The following GPHN variants were observed in gnomAD, a reference collection of about 807,000 sequenced individuals.
The protein encoded by GPHN is gephyrin.
GPHN carries 17 observed loss-of-function variants against 95.5 expected under a neutral mutation model. That is an observed-to-expected ratio of 0.18 (90% CI 0.12 to 0.27). The LOEUF (loss-of-function observed/expected upper bound fraction) is 0.27, where lower values mean the gene tolerates loss of function less well. Ranked by LOEUF, GPHN falls within the 10% of genes least tolerant of loss-of-function variation. The probability of loss-of-function intolerance (pLI) is 1.00; values close to 1 mark genes in which losing one functional copy is unlikely to be tolerated. For missense variants in GPHN, 660 were observed against 978.1 expected (o/e 0.67, Z 4.34); for synonymous variants, 320 against 322.5 (o/e 0.99, Z 0.08).
At chr14:66,910,399 A>G (rs1469025889) in intron 5 of GPHN, among the ~76,000 whole-genome samples, 1 of 151,918 alleles carries the variant, frequency 6.6e-6, no homozygotes. Flanking sequence ...AAAGAAAAAC[A>G]CTGACAACAT....
At chr14:66,594,812 A>G (rs1176463944) in intron 1 of GPHN, among the ~76,000 whole-genome samples, 1 of 152,062 alleles carries the variant, frequency 6.6e-6, no homozygotes, top group Non-Finnish European at 1.5e-5. Context: ...GTACAAATAG[A>G]CAAATAGGAT....
At chr14:67,370,216 C>A in the GPHN span, among the ~76,000 whole-genome samples, 2 of 152,224 alleles carry the variant, frequency 1.3e-5, no homozygotes, top group East Asian at 3.8e-4. Context: ...AAACCCACAA[C>A]CTTCCAGCTT....
At chr14:66,727,228 C>T (rs1383470296) in intron 2 of GPHN, among the ~76,000 whole-genome samples, 1 of 152,160 alleles carries the variant, frequency 6.6e-6, no homozygotes, top group South Asian at 2.1e-4. Flanking sequence ...TGAGGCCTCC[C>T]CAGCCACGTG....
At chr14:66,598,647 C>T (rs889885321) in intron 1 of GPHN, among the ~76,000 whole-genome samples, 1 of 152,068 alleles carries the variant, frequency 6.6e-6, no homozygotes. Flanking sequence ...GAGTTCAAGA[C>T]CAGCCTGACC....
chr14:67,670,653 T>C, the GPHN span, among the ~76,000 whole-genome samples: 1 of 151,992 alleles, frequency 6.6e-6, no homozygotes, highest in South Asian at 2.1e-4. Context: ...CTCAGCCTCC[T>C]GAGTAGCTGG....
chr14:67,650,341 C>T, the GPHN span: 1 of 257,692 alleles, frequency 3.9e-6, no homozygotes, highest in Non-Finnish European at 7.5e-6. Flanking sequence ...AGGCAGGCAT[C>T]TGGAAGGTTC....
intron 3 of GPHN, among the ~76,000 whole-genome samples, chr14:66,806,603 C>T (rs2060552734): frequency 6.6e-6 from 1 of 152,110 alleles, no homozygotes; most frequent in South Asian, 2.1e-4. Context: ...AAATTTCTTC[C>T]ACCAGCTATC....
At chr14:67,022,560 TTTTTTTTG>T (rs1467948372) in intron 9 of GPHN, among the ~76,000 whole-genome samples, 3 of 116,804 alleles carry the variant, frequency 2.6e-5, no homozygotes, top group East Asian at 2.8e-4. Context: ...TTTTTTTTTT[TTTTTTTTG>T]GTGTGTGTGT....
intron 4 of GPHN, among the ~76,000 whole-genome samples, chr14:66,867,094 A>G (rs2063252502): frequency 6.6e-6 from 1 of 152,182 alleles, no homozygotes; most frequent in Non-Finnish European, 1.5e-5. Context: ...TCTTCTCTTC[A>G]CATGAAACGT....
In GPHN at chr14:67,150,181, G is replaced by A. The variant is rs571419016; in HGVS notation, c.1836+6732G>A. Among the ~76,000 whole-genome samples, 96 of 151,958 alleles carry A rather than the reference G, an allele frequency of 6.3e-4. 3 individuals are homozygous for A. The highest frequency in any genetic ancestry group is 2.2e-3 in the African/African-American group (90 of 41,486). ...AGGTTGGCCGGGCGCGGTGGCTCAC[G>A]CCTGTAATCCCAGCACTTTGGGAGG... On this transcript the variant is annotated intron_variant, in intron 18 of 22. Transcript: ENST00000478722.
intron 5 of GPHN, among the ~76,000 whole-genome samples, chr14:66,907,745 G>A (rs375282862): frequency 1.3e-3 from 198 of 152,176 alleles, no homozygotes; most frequent in African/African-American, 4.5e-3. Context: ...GCACATAAGC[G>A]CTTTAGTTGA....
the GPHN span, among the ~76,000 whole-genome samples, chr14:67,321,803 T>A: frequency 2.6e-5 from 4 of 152,214 alleles, no homozygotes; most frequent in Non-Finnish European, 4.4e-5. Context: ...GATGTTCTGC[T>A]TGTATATATG....
the GPHN span, among the ~76,000 whole-genome samples, chr14:67,539,427 G>A: frequency 6.6e-6 from 1 of 152,298 alleles, no homozygotes; most frequent in African/African-American, 2.4e-5. Context: ...CAAGAAGCGA[G>A]CTTACTCGGT....
At chr14:67,661,868 A>ATT in the GPHN span, among the ~76,000 whole-genome samples, 5 of 152,096 alleles carry the variant, frequency 3.3e-5, no homozygotes, top group African/African-American at 1.2e-4. Flanking sequence ...TTAAAAACAG[A>ATT]TTTTAGGCCA....
the GPHN span, among the ~76,000 whole-genome samples, chr14:67,319,057 CAAAA>C: frequency 8.8e-6 from 1 of 114,030 alleles, no homozygotes; most frequent in Non-Finnish European, 2.0e-5. Context: ...GACTCCGTCT[CAAAA>C]AAAAAAAAAA....
the GPHN span, chr14:67,586,106 G>A: frequency 1.2e-6 from 2 of 1,613,496 alleles, no homozygotes; most frequent in African/African-American, 2.7e-5. Flanking sequence ...AGGTAGGTCT[G>A]ACAGCTGTTA....
chr14:67,552,034 A>G, the GPHN span, among the ~76,000 whole-genome samples: 1 of 152,222 alleles, frequency 6.6e-6, no homozygotes, highest in South Asian at 2.1e-4. Flanking sequence ...ATTTCACAGC[A>G]TCTCACAGCG....
intron 5 of GPHN, among the ~76,000 whole-genome samples, chr14:66,880,416 C>T (rs1206459320): frequency 6.6e-6 from 1 of 151,748 alleles, no homozygotes; most frequent in Non-Finnish European, 1.5e-5. Flanking sequence ...TGTCATATTA[C>T]TACTGGTAAA....
chr14:67,061,837 G>A (rs1206024551), intron 11 of GPHN, among the ~76,000 whole-genome samples: 1 of 151,942 alleles, frequency 6.6e-6, no homozygotes, highest in Non-Finnish European at 1.5e-5. Flanking sequence ...TTTTTGCTTG[G>A]AAAAACTTTA....
Sources: allele counts gnomAD v4.1 joint callset (sites outside exome capture counted in the v4.1 genomes callset), GRCh38; gene constraint gnomAD v4.1.1; transcripts MANE v1.5; gene names NCBI Gene and HGNC (gene_info 2026-07-23, HGNC 2026-07-21).